GAS7: variants seen among roughly 807,000 people sequenced by gnomAD.
GAS7 encodes growth arrest-specific protein 7.
GAS7 carries 28 observed loss-of-function variants against 71.1 expected under a neutral mutation model. The ratio of observed to expected loss-of-function variants is 0.39; its 90% CI spans 0.29 to 0.54. GAS7 has a LOEUF of 0.54. Among genes scored for constraint, GAS7 ranks in the 20% least tolerant of loss-of-function variants. The pLI is 0.62. For missense variants in GAS7, 436 were observed against 627.8 expected, an observed-to-expected ratio of 0.69 and a Z score of 3.27; for synonymous variants, 258 against 245.8, an observed-to-expected ratio of 1.05 and a Z score of -0.46.
In GAS7 at chr17:10,103,273, A is replaced by G. The variant is rs2073724346; in HGVS notation, c.184-83376T>C. On this transcript the variant is annotated intron_variant, in intron 1 of 13. Coordinates refer to ENST00000432992, the MANE Select transcript of GAS7 (RefSeq NM_201433.2). The surrounding 1 kb of genome is among the most constrained non-coding windows in gnomAD (Gnocchi z 5.5). The stretch of plus-strand genomic sequence containing the variant: ...GTGGGAGAATCACCTGAGCCTGGGG[A>G]GTAGAGGCTGCAGTGAGAGCTGTGA... Among the ~76,000 whole-genome samples, 2 of 151,934 alleles carry G rather than the reference A, an allele frequency of 1.3e-5. No homozygotes were observed. Among genetic ancestry groups the G allele is most frequent in the Non-Finnish European group, 2.9e-5 (2 of 67,964 alleles).
At chr17:9,968,964 G>C (rs990036212) in intron 4 of GAS7, among the ~76,000 whole-genome samples, 4 of 152,146 alleles carry the variant, frequency 2.6e-5, no homozygotes, top group African/African-American at 9.7e-5. Flanking sequence ...TAATTTATGG[G>C]TAGACTAAAT....
Position 10,034,966 on chromosome 17 carries a change from G to C in GAS7, c.184-15069C>G, listed in dbSNP as rs868680126. On this transcript the variant is annotated intron_variant, in intron 1 of 13. Transcript: ENST00000432992. The surrounding 1 kb of genome is among the most constrained non-coding windows in gnomAD (Gnocchi z 4.4). ...GATGCACCAAAGGCGGGTTCCAGTGGAATTTTTCTGGGCCTGTTAGCAGTT... is the reference window on the plus strand; with the variant it reads ...GATGCACCAAAGGCGGGTTCCAGTGCAATTTTTCTGGGCCTGTTAGCAGTT... Among the ~76,000 whole-genome samples the C allele has an allele frequency of 6.6e-6, 1 of 152,098 alleles. No individual in the cohort carries two copies. Among genetic ancestry groups the C allele is most frequent in the Non-Finnish European group, 1.5e-5 (1 of 68,024 alleles).
At chr17:10,147,826 A>G (rs2051668) in intron 1 of GAS7, among the ~76,000 whole-genome samples, 95,103 of 151,952 alleles carry the variant, frequency 0.63, 30,642 homozygotes, top group African/African-American at 0.76. Flanking sequence ...CTTTATCTAG[A>G]TTTTTTAAAA....
chr17:10,014,647 C>G (rs576381462), intron 2 of GAS7, among the ~76,000 whole-genome samples: 1 of 152,106 alleles, frequency 6.6e-6, no homozygotes, highest in East Asian at 1.9e-4. Context: ...TGGTTAATAC[C>G]CAGATCAAGC....
In GAS7 at chr17:9,966,269, AT is replaced by A. The variant is rs369659529; in HGVS notation, c.471+3407del. The stretch of plus-strand genomic sequence containing the variant: ...TGCCTCGGCCTCCCAAAGTGCTGGG[AT>A]TACAGGCTTGAGCCACCACGACCGC... On this transcript the variant is annotated intron_variant, in intron 4 of 13. Coordinates refer to ENST00000432992, the MANE Select transcript of GAS7 (RefSeq NM_201433.2). 7.9e-4 allele frequency among the ~76,000 whole-genome samples: 120 copies of A among 151,462 alleles called. 1 individual carries two copies. Among genetic ancestry groups the A allele is most frequent in the African/African-American group, 2.8e-3 (113 of 41,046 alleles).
At chr17:10,125,528 AAAAAAAAAG>A (rs1329878924) in intron 1 of GAS7, among the ~76,000 whole-genome samples, 5 of 83,894 alleles carry the variant, frequency 6.0e-5, no homozygotes, top group African/African-American at 1.3e-4. Flanking sequence ...TCCATCTTAA[AAAAAAAAAG>A]AAAAAAAAAA....
chr17:10,191,032 G>A (rs148287623), intron 1 of GAS7, among the ~76,000 whole-genome samples: 98 of 151,952 alleles, frequency 6.4e-4, no homozygotes, highest in African/African-American at 1.8e-3. Context: ...AAAACTAGCC[G>A]GGTGTGGTGG....
At chr17:9,951,778 A>C (rs1282693690) in intron 5 of GAS7, among the ~76,000 whole-genome samples, 1 of 150,602 alleles carries the variant, frequency 6.6e-6, no homozygotes, top group Non-Finnish European at 1.5e-5. Flanking sequence ...AAAAAAAAAA[A>C]AAAAAAAACA....
intron 1 of GAS7, among the ~76,000 whole-genome samples, chr17:10,043,799 T>G (rs1195809650): frequency 1.3e-5 from 2 of 152,122 alleles, no homozygotes; most frequent in African/African-American, 4.8e-5. Context: ...TAACCTGGCA[T>G]GGTGCATGCC....
intron 1 of GAS7, among the ~76,000 whole-genome samples, chr17:10,188,281 C>A (rs1015103774): frequency 6.6e-6 from 1 of 152,182 alleles, no homozygotes; most frequent in African/African-American, 2.4e-5. Flanking sequence ...AGTTACTGAA[C>A]CCCTTCCGCA....
chr17:10,040,287 T>G (rs567427066), intron 1 of GAS7, among the ~76,000 whole-genome samples: 31 of 151,982 alleles, frequency 2.0e-4, no homozygotes, highest in African/African-American at 7.2e-4. Context: ...ACCGTGTGGG[T>G]AGAGGCTGTG....
chr17:10,100,497 CCCAT>C (rs1179912996), intron 1 of GAS7, among the ~76,000 whole-genome samples: 7 of 152,204 alleles, frequency 4.6e-5, no homozygotes, highest in Admixed American at 1.3e-4. Context: ...TCTCTCAAAT[CCCAT>C]CCAGGTGAGA....
intron 1 of GAS7, among the ~76,000 whole-genome samples, chr17:10,054,545 A>C (rs1203089170): frequency 4.6e-5 from 7 of 151,024 alleles, no homozygotes; most frequent in Admixed American, 3.3e-4. Context: ...ACCACTAAAA[A>C]CCCCCCATGA....
At chr17:10,002,588 G>A (rs368632950) in intron 2 of GAS7, among the ~76,000 whole-genome samples, 2 of 152,122 alleles carry the variant, frequency 1.3e-5, no homozygotes, top group South Asian at 4.2e-4. Flanking sequence ...AGGCCCGGGT[G>A]TGTGATGTTC....
At chr17:9,947,782 A>T (rs1176549501) in intron 5 of GAS7, among the ~76,000 whole-genome samples, 1 of 151,678 alleles carries the variant, frequency 6.6e-6, no homozygotes, top group Non-Finnish European at 1.5e-5. Flanking sequence ...AAAAAAAGAA[A>T]ATTTAACAAG....
chr17:9,925,689 T>C (rs748029077), intron 10 of GAS7, 90 bp from the exon 11 acceptor site: 29 of 1,425,696 alleles, frequency 2.0e-5, no homozygotes, highest in Non-Finnish European at 2.7e-5. Flanking sequence ...TTTGGAGTCC[T>C]TTCGCCCCTT....
rs1567764980 is a variant in GAS7, at chr17:9,917,198, G to A, written c.*30C>T. 1 of 1,297,776 alleles carries A rather than the reference G, an allele frequency of 7.7e-7. No individual in the cohort carries two copies. 80.4% of individuals were successfully genotyped at this position (1,297,776 alleles called of 1,614,324 possible). On this transcript the variant is annotated 3_prime_UTR_variant, in exon 14 of 14. Transcript: ENST00000432992. The stretch of plus-strand genomic sequence containing the variant: ...GGTGGGAGCCCAGCCCCCCTCCCCA[G>A]CAGGACCCCCCGAAGCTGCACAGGC...
At position 10,097,040 on chromosome 17, in the gene GAS7, CTTAT is replaced by C. The variant is rs998497739; in HGVS notation, c.184-77147_184-77144del. ...CCAAAAAACTTTTCAAGCCAGCTGCCTTATTTAATTCCCAAGCATTCCTCTGATG... is the reference window on the plus strand; with the variant it reads ...CCAAAAAACTTTTCAAGCCAGCTGCCTTAATTCCCAAGCATTCCTCTGATG... On this transcript the variant is annotated intron_variant, in intron 1 of 13. Transcript: ENST00000432992. Among the ~76,000 whole-genome samples the C allele has an allele frequency of 2.0e-5, 3 of 152,208 alleles. No homozygotes were observed. The East Asian group carries it at 5.8e-4, about 29-fold the overall frequency.
chr17:10,005,298 T>C (rs1024437773), intron 2 of GAS7, among the ~76,000 whole-genome samples: 1 of 150,922 alleles, frequency 6.6e-6, no homozygotes, highest in Admixed American at 6.6e-5. Context: ...CATACATGTA[T>C]ATACACATAT....
Sources: gnomAD v4.1 joint callset for allele counts (sites outside exome capture counted in the v4.1 genomes callset) on GRCh38, gnomAD v4.1.1 for gene constraint, Gnocchi (gnomAD v3.1) non-coding constraint, MANE v1.5 for transcripts, NCBI Gene and HGNC (gene_info 2026-07-23, HGNC 2026-07-21) for gene names.